Variants in MAX observed in about 807,000 individuals in gnomAD.
MAX encodes the protein protein max.
MAX carries 3 observed loss-of-function variants against 22.3 expected under a neutral mutation model. The observed-to-expected ratio is 0.13, with a 90% confidence interval of 0.06 to 0.35. The LOEUF (loss-of-function observed/expected upper bound fraction) is 0.35, where lower values mean the gene tolerates loss of function less well. Among genes scored for constraint, MAX ranks in the 10% least tolerant of loss-of-function variants. The pLI is 1.00. For missense variants in MAX, 119 were observed against 209.4 expected (o/e 0.57, Z 2.66); for synonymous variants, 72 against 77.7 (o/e 0.93, Z 0.39).
At chr14:65,071,190 G>GA, downstream of MAX, among the ~76,000 whole-genome samples, 1 of 152,046 alleles carries the variant, frequency 6.6e-6, no homozygotes, top group African/African-American at 2.4e-5. This position sits in a 1 kb window ranked among gnomAD's most constrained non-coding sequence, Gnocchi z 4.2. Context: ...CACCCAGGCT[G>GA]GAGTGCAGTG....
chr14:65,083,830 C>T, intron 3 of MAX: 1 of 1,160,488 alleles, frequency 8.6e-7, no homozygotes, highest in Non-Finnish European at 1.1e-6. Context: ...TAAGCTTTTA[C>T]ACATATGAAG....
At chr14:65,045,111 A>G (rs1161288312) in intron 3 of MAX, among the ~76,000 whole-genome samples, 1 of 152,154 alleles carries the variant, frequency 6.6e-6, no homozygotes, top group Non-Finnish European at 1.5e-5. Context: ...TTAGTGAGCA[A>G]AAAGTCTGGG....
At position 65,050,875 on chromosome 14, in the gene MAX, C is replaced by T. The variant is rs1177505488; in HGVS notation, c.171+42833G>A. ...TTTGAAGAAAATAATCTTAAGCATA[C>T]ATAATATTGACAAAGATTTAGTCCA... On this transcript the variant is annotated intron_variant, in intron 3 of 3. Coordinates refer to the MAX transcript ENST00000341653. Among the ~76,000 whole-genome samples the T allele has an allele frequency of 2.6e-5, 4 of 152,234 alleles. No individual in the cohort carries two copies. The East Asian group carries it at 5.8e-4, about 22-fold the overall frequency.
At chr14:65,098,548 A>C (rs2063733263) in intron 2 of MAX, among the ~76,000 whole-genome samples, 1 of 152,210 alleles carries the variant, frequency 6.6e-6, no homozygotes, top group African/African-American at 2.4e-5. Context: ...TTTCCTGTAT[A>C]CTTACACTCT....
chr14:65,075,976 C>T lies in MAX; in HGVS notation c.*500G>A, dbSNP rs2063047031. The T allele has an allele frequency of 1.9e-6, 2 of 1,076,972 alleles. No homozygotes were observed. Among genetic ancestry groups the T allele is most frequent in the African/African-American group, 3.3e-5 (2 of 61,260 alleles). The allele number at this position is 1,076,972 out of a possible 1,614,324, so 66.7% of individuals were successfully genotyped here. A position where few individuals can be genotyped will look rare whatever the true frequency, so the allele number is the denominator to read the frequency against. On this transcript the variant is annotated 3_prime_UTR_variant, in exon 5 of 5. Coordinates refer to ENST00000358664, the MANE Select transcript of MAX (RefSeq NM_002382.5). The surrounding 1 kb of genome is among the most constrained non-coding windows in gnomAD (Gnocchi z 4.1). Reference sequence around the variant, plus strand: ...TTAGAAAAAGGAAAAAAAAAAAACCCTTAAAAAGGAGGAGGGTTCATTCTG... The same window carrying T: ...TTAGAAAAAGGAAAAAAAAAAAACCTTTAAAAAGGAGGAGGGTTCATTCTG...
chr14:65,071,055 A>G (rs1414207762), downstream of MAX, among the ~76,000 whole-genome samples: 1 of 152,204 alleles, frequency 6.6e-6, no homozygotes, highest in Admixed American at 6.5e-5. This position sits in a 1 kb window ranked among gnomAD's most constrained non-coding sequence, Gnocchi z 4.2. Context: ...ACTGCCTTTT[A>G]GCATTCAACA....
At chr14:65,013,651 G>C (rs1051891800) in intron 3 of MAX, among the ~76,000 whole-genome samples, 4 of 152,146 alleles carry the variant, frequency 2.6e-5, no homozygotes, top group African/African-American at 9.7e-5. Context: ...AGGTTCAAGC[G>C]ATTCTCTTGC....
intron 3 of MAX, chr14:65,083,818 TG>T: frequency 1.7e-6 from 2 of 1,144,250 alleles, no homozygotes; most frequent in Non-Finnish European, 2.2e-6. Context: ...CTGAAACCTG[TG>T]TAAGCTTTTA....
At chr14:65,070,285 A>G (rs889835866), downstream of MAX, among the ~76,000 whole-genome samples, 4 of 152,168 alleles carry the variant, frequency 2.6e-5, no homozygotes, top group Non-Finnish European at 1.5e-5. This position sits in a 1 kb window ranked among gnomAD's most constrained non-coding sequence, Gnocchi z 4.4. Context: ...CACCATGTTC[A>G]GCACTGGAGT....
intron 3 of MAX, among the ~76,000 whole-genome samples, chr14:65,019,302 C>CA (rs2061843046): frequency 6.6e-6 from 1 of 152,168 alleles, no homozygotes; most frequent in Admixed American, 6.5e-5. Context: ...GTCTGGCCAA[C>CA]ATGGTGAAAC....
intron 3 of MAX, among the ~76,000 whole-genome samples, chr14:65,033,255 A>T (rs1488670357): frequency 6.6e-6 from 1 of 152,248 alleles, no homozygotes; most frequent in South Asian, 2.1e-4. Flanking sequence ...CAAAAAAACC[A>T]TACAGATTAG....
rs1595131275 is a variant in MAX, at chr14:65,078,084, C to A, written c.172-48G>T. The A allele has an allele frequency of 6.2e-7, 1 of 1,613,522 alleles. No homozygotes were observed. The highest frequency in any genetic ancestry group is 8.5e-7 in the Non-Finnish European group (1 of 1,179,668). On this transcript the variant is annotated intron_variant, in intron 3 of 4. Transcript: ENST00000358664. The surrounding 1 kb of genome is among the most constrained non-coding windows in gnomAD (Gnocchi z 6.4). Reference sequence around the variant, plus strand: ...ACAGGGGACAAAATAAAAACCCAATCCAGGCAGTGAGGGAACCTGGCCTGC... The same window carrying A: ...ACAGGGGACAAAATAAAAACCCAATACAGGCAGTGAGGGAACCTGGCCTGC...
rs148676846 is a variant in MAX, at chr14:65,034,353, T to G, written c.172-28069A>C. 2.6e-5 allele frequency among the ~76,000 whole-genome samples: 4 copies of G among 152,378 alleles called. No homozygotes were observed. The East Asian group carries it at 7.7e-4, about 29-fold the overall frequency. On this transcript the variant is annotated intron_variant, in intron 3 of 3. Coordinates refer to the MAX transcript ENST00000341653. ...TGGTTTTCTTATTTTCATGAAGTAT[T>G]GTACTCCAACAGATCCCAAAAAAGG...
rs912193779 is a variant in MAX at position 65,077,783 on chromosome 14, A to G, written c.295+130T>C. 12 of 1,613,722 alleles carry G rather than the reference A, an allele frequency of 7.4e-6. No individual in the cohort carries two copies. The highest frequency in any genetic ancestry group is 1.7e-5 in the Admixed American group (1 of 59,992). ...TCTAACACTCAGTTACTCAGGCCCC[A>G]AGAAGCAGGACCAAGCCTGCTACTG... is the stretch of plus-strand genomic sequence containing the variant. On this transcript the variant is annotated intron_variant, in intron 4 of 4. Transcript: ENST00000358664. The surrounding 1 kb of genome is among the most constrained non-coding windows in gnomAD (Gnocchi z 6.3).
chr14:65,073,860 G>C (rs757807344), downstream of MAX, among the ~76,000 whole-genome samples: 2 of 152,188 alleles, frequency 1.3e-5, no homozygotes, highest in Non-Finnish European at 2.9e-5. Flanking sequence ...ATGTCAATCA[G>C]GTGGTTTGGA....
intron 3 of MAX, chr14:65,015,774 A>C (rs1435666064): frequency 6.3e-7 from 1 of 1,579,296 alleles, no homozygotes; most frequent in Non-Finnish European, 8.7e-7. Flanking sequence ...TGAGTTTGGG[A>C]TTTTGTTTTG....
intron 3 of MAX, chr14:65,061,678 A>G: frequency 5.0e-6 from 1 of 201,408 alleles, no homozygotes; most frequent in Non-Finnish European, 1.1e-5. Context: ...TCCCACTTGC[A>G]CGCCACCATT....
Position 65,027,176 on chromosome 14 carries a change from C to T in MAX, c.172-20892G>A, listed in dbSNP as rs1233167706. 6.6e-6 allele frequency among the ~76,000 whole-genome samples: 1 copy of T among 152,210 alleles called. No homozygotes were observed. The highest frequency in any genetic ancestry group is 1.5e-5 in the Non-Finnish European group (1 of 68,038). ...AGCACGGGAGACTCTTACCCCATAG[C>T]TACGAAAGTCGGTTTCTTCCCAGCC... On this transcript the variant is annotated intron_variant, in intron 3 of 3. Coordinates refer to the MAX transcript ENST00000341653. This position sits in a 1 kb window ranked among gnomAD's most constrained non-coding sequence, Gnocchi z 5.7.
Position 65,037,077 on chromosome 14 carries a change from C to A in MAX, c.172-30793G>T, listed in dbSNP as rs147410584. On this transcript the variant is annotated intron_variant, in intron 3 of 3. Coordinates refer to the MAX transcript ENST00000341653. ...TATTACAGTATTTCTTTGATAATTTCTTCTCTTGTGTTTTCTGTGTTTGCT... is the reference window on the plus strand; with the variant it reads ...TATTACAGTATTTCTTTGATAATTTATTCTCTTGTGTTTTCTGTGTTTGCT... Among the ~76,000 whole-genome samples, 1,200 of 151,208 alleles carry A rather than the reference C, an allele frequency of 7.9e-3. 15 individuals carry two copies. Among genetic ancestry groups the A allele is most frequent in the African/African-American group, 0.027 (1,134 of 41,314 alleles).
Sources: gnomAD v4.1 joint callset for allele counts (sites outside exome capture counted in the v4.1 genomes callset) on GRCh38, gnomAD v4.1.1 for gene constraint, Gnocchi (gnomAD v3.1) non-coding constraint, MANE v1.5 for transcripts, NCBI Gene and HGNC (gene_info 2026-07-23, HGNC 2026-07-21) for gene names.